Variants in ELN observed in about 807,000 individuals in gnomAD.
ELN encodes the protein elastin, also known as tropoelastin.
ELN carries 65 observed loss-of-function variants against 105.8 expected under a neutral mutation model. The observed-to-expected ratio is 0.61, with a 90% CI of 0.50 to 0.75. ELN has a LOEUF of 0.75. Among genes scored for constraint, ELN ranks in the 30% least tolerant of loss-of-function variants. ELN has a pLI of 0.00. For missense variants in ELN, 882 were observed against 969.4 expected, an observed-to-expected ratio of 0.91 and a Z score of 1.20; for synonymous variants, 368 against 389.2, an observed-to-expected ratio of 0.95 and a Z score of 0.64.
chr7:74,059,938 C>T lies in ELN; in HGVS notation c.1467C>T (p.Val489=), dbSNP rs200512332. Reference sequence around the variant, plus strand: ...CTGGAGTTGGCGTGGCTCCTGGTGTCGGTGTGGCTCCTGGAGTTGGCTTGG... The same window carrying T: ...CTGGAGTTGGCGTGGCTCCTGGTGTTGGTGTGGCTCCTGGAGTTGGCTTGG... The part of the protein sequence containing the change: ...VAPGVGVAPG[V]GVAPGVGLAP... The change falls in exon 23 of 33, where the codon GTC becomes GTT. Residue 489 remains valine, a synonymous_variant. Transcript: ENST00000252034. 130 of 1,592,850 alleles carry T rather than the reference C, an allele frequency of 8.2e-5. No individual in the cohort carries two copies. Among genetic ancestry groups the T allele is most frequent in the African/African-American group, 2.6e-4 (19 of 73,852 alleles).
chr7:74,037,969 T>C (rs1254643078), intron 4 of ELN: 1 of 583,100 alleles, frequency 1.7e-6, no homozygotes, highest in African/African-American at 1.9e-5. Context: ...GTCCTCCCTG[T>C]GTGAGGGCGT....
At chr7:74,045,450 A>G in intron 10 of ELN, 157 bp downstream of exon 10, 1 of 811,364 alleles carries the variant, frequency 1.2e-6, no homozygotes, top group Non-Finnish European at 2.0e-6. Flanking sequence ...GAAAAACCTC[A>G]GAGTGTGGCT....
chr7:74,052,100 A>T, intron 17 of ELN, 117 bp downstream of exon 17: 2 of 1,143,724 alleles, frequency 1.7e-6, no homozygotes, highest in East Asian at 2.5e-5. Context: ...TGCATTGTTC[A>T]TGCCTCCTTA....
At chr7:74,066,497 G>T (rs1347204994) in intron 31 of ELN, among the ~76,000 whole-genome samples, 3 of 152,122 alleles carry the variant, frequency 2.0e-5, no homozygotes, top group Non-Finnish European at 4.4e-5. Flanking sequence ...AGCCTGGGAA[G>T]CGGAGGTTGC....
intron 14 of ELN, 31 bp downstream of exon 14, chr7:74,048,232 A>G (rs1448686613): frequency 6.2e-7 from 1 of 1,613,762 alleles, no homozygotes; most frequent in African/African-American, 1.3e-5. Context: ...CTTCCAGCCA[A>G]GGGAGCACTG....
At chr7:74,037,426 T>C (rs1790228453) in intron 3 of ELN, among the ~76,000 whole-genome samples, 1 of 151,962 alleles carries the variant, frequency 6.6e-6, no homozygotes, top group Non-Finnish European at 1.5e-5. Context: ...ACTCCTGACC[T>C]CAGATGATCC....
chr7:74,043,809 T>A, intron 8 of ELN, 70 bp from the exon 9 acceptor site: 1 of 1,575,732 alleles, frequency 6.3e-7, no homozygotes, highest in Middle Eastern at 1.8e-4. Flanking sequence ...GCTGCCTGGG[T>A]GGGAAGGGCT....
intron 9 of ELN, among the ~76,000 whole-genome samples, chr7:74,044,491 C>T (rs1004466338): frequency 3.3e-5 from 5 of 152,164 alleles, no homozygotes; most frequent in African/African-American, 7.2e-5. Context: ...CAGCCCGAGG[C>T]GGGCCCCCGA....
intron 21 of ELN, among the ~76,000 whole-genome samples, chr7:74,056,998 G>A (rs1554680469): frequency 1.2e-4 from 19 of 152,102 alleles, no homozygotes; most frequent in Non-Finnish European, 1.5e-5. Context: ...AGCACTTTGG[G>A]AGGCCAAGGC....
At chr7:74,046,860 G>A (rs1306234786) in intron 12 of ELN, 93 bp downstream of exon 12, 3 of 1,409,344 alleles carry the variant, frequency 2.1e-6, no homozygotes, top group Non-Finnish European at 3.0e-6. Flanking sequence ...AAGGCGGGCA[G>A]ATCACTTGAG....
In ELN at chr7:74,056,357, G is replaced by A. The variant is rs148792668; in HGVS notation, c.1237G>A (p.Gly413Ser). 2.5e-5 allele frequency: 41 copies of A among 1,613,524 alleles called. No individual in the cohort carries two copies. Among genetic ancestry groups the A allele is most frequent in the Non-Finnish European group, 3.0e-5 (35 of 1,179,638 alleles). The change falls in exon 20 of 33, where the codon GGT (glycine) becomes AGT (serine). Residue 413 changes from glycine to serine, a missense_variant. Gly to Ser is a moderately conservative substitution (Grantham distance 56). Transcript: ENST00000252034. ...TCCCGGCTTTGGTGTCGGAGTCGGA[G>A]GTATCCCTGGAGTCGCAGGTGTCCC... is the stretch of plus-strand genomic sequence containing the variant. Reference protein sequence around the residue: ...GFPGFGVGVGGIPGVAGVPGV... With the variant: ...GFPGFGVGVGSIPGVAGVPGV...
At chr7:74,053,626 C>T (rs991319156) in intron 18 of ELN, among the ~76,000 whole-genome samples, 3 of 151,330 alleles carry the variant, frequency 2.0e-5, no homozygotes, top group Admixed American at 1.3e-4. Flanking sequence ...GTGGATAAAA[C>T]GGTAAGTGGG....
rs782238204 is a variant in ELN, at chr7:74,035,375, G to T, written c.94G>T (p.Ala32Ser). 2 of 1,614,092 alleles carry T rather than the reference G, an allele frequency of 1.2e-6. No homozygotes were observed. Among genetic ancestry groups the T allele is most frequent in the Non-Finnish European group, 1.7e-6 (2 of 1,180,002 alleles). ...HPSRPGGVPG[A>S]IPGGVPGGVF... ...CTGTTTCCTTTCAGGGGTCCCTGGG[G>T]CCATTCCTGGTGGAGTTCCTGGAGG... Residue 32 changes from alanine (A) to serine (S), a missense_variant, in exon 2 of 33, where the codon GCC (alanine) becomes TCC (serine). Ala to Ser is a moderately conservative substitution (Grantham distance 99, BLOSUM62 1). Coordinates refer to ENST00000252034, the MANE Select transcript of ELN (RefSeq NM_000501.4).
At chr7:74,065,894 C>T (rs1554688791) in intron 30 of ELN, 50 bp from the exon 31 acceptor site, 1 of 1,613,738 alleles carries the variant, frequency 6.2e-7, no homozygotes, top group Admixed American at 1.7e-5. Context: ...GATATCAGGG[C>T]CTCTTCCCGA....
chr7:74,068,212 A>G (rs868975958), intron 32 of ELN, among the ~76,000 whole-genome samples: 1 of 152,088 alleles, frequency 6.6e-6, no homozygotes, highest in African/African-American at 2.4e-5. Flanking sequence ...CTCTCCCTCT[A>G]CTGGGCCTTG....
intron 15 of ELN, 59 bp downstream of exon 15, chr7:74,048,615 A>G (rs1279737984): frequency 1.4e-5 from 23 of 1,605,196 alleles, no homozygotes; most frequent in Middle Eastern, 1.7e-4. Flanking sequence ...CTCCATTCCC[A>G]TTACTATTGA....
intron 20 of ELN, 40 bp downstream of exon 20, chr7:74,056,475 G>A: frequency 1.2e-6 from 2 of 1,612,284 alleles, no homozygotes; most frequent in Non-Finnish European, 1.7e-6. Context: ...GTTGAGAAGG[G>A]ATGGGGGCTT....
chr7:74,043,900 A>G lies in ELN; in HGVS notation c.449A>G (p.Tyr150Cys). Reference sequence around the variant, plus strand: ...ACAGGTGTGGGGCTGCCAGGTGTATACCCAGGTGGCGTGCTCCCAGGTGAG... The same window carrying G: ...ACAGGTGTGGGGCTGCCAGGTGTATGCCCAGGTGGCGTGCTCCCAGGTGAG... ...KVPGVGLPGV[Y>C]PGGVLPGARF... Residue 150 changes from tyrosine (Y) to cysteine (C), a missense_variant, in exon 9 of 33, where the codon TAC becomes TGC. Tyr to Cys is a radical substitution (Grantham distance 194). Coordinates refer to ENST00000252034, the MANE Select transcript of ELN (RefSeq NM_000501.4). The G allele has an allele frequency of 6.2e-7, 1 of 1,614,042 alleles. No homozygotes were observed. The highest frequency in any genetic ancestry group is 8.5e-7 in the Non-Finnish European group (1 of 1,179,986).
chr7:74,045,964 G>A (rs1466069013), intron 10 of ELN: 3 of 584,524 alleles, frequency 5.1e-6, no homozygotes, highest in Non-Finnish European at 9.0e-6. Flanking sequence ...GAACCTGGGA[G>A]GCAGAGGTTG....
Sources: allele counts gnomAD v4.1 joint callset (sites outside exome capture counted in the v4.1 genomes callset), GRCh38; gene constraint gnomAD v4.1.1; transcripts MANE v1.5; gene names NCBI Gene and HGNC (gene_info 2026-07-23, HGNC 2026-07-21).